Variants in PLCB4 observed in about 807,000 individuals in gnomAD.
The protein encoded by PLCB4 is 1-phosphatidylinositol 4,5-bisphosphate phosphodiesterase beta-4.
PLCB4 carries 77 observed loss-of-function variants against 178.8 expected under a neutral mutation model. The observed-to-expected ratio is 0.43, with a 90% CI of 0.36 to 0.52. PLCB4 has a LOEUF of 0.52. Among genes scored for constraint, PLCB4 ranks in the 20% least tolerant of loss-of-function variants. The pLI is 0.00. For missense variants in PLCB4, 1,024 were observed against 1,453.4 expected, an observed-to-expected ratio of 0.70 and a Z score of 4.80; for synonymous variants, 496 against 490.8, an observed-to-expected ratio of 1.01 and a Z score of -0.14.
intron 8 of PLCB4, among the ~76,000 whole-genome samples, chr20:9,363,247 G>A (rs1187348029): frequency 6.6e-6 from 1 of 152,162 alleles, no homozygotes; most frequent in African/African-American, 2.4e-5. Context: ...GTCAGTTGTG[G>A]GTACTGGCTT....
At chr20:9,100,855 G>T (rs894260363) in intron 2 of PLCB4, among the ~76,000 whole-genome samples, 1 of 152,014 alleles carries the variant, frequency 6.6e-6, no homozygotes, top group African/African-American at 2.4e-5. Context: ...CCACTTTCGT[G>T]CACACAGCAG....
chr20:9,393,611 A>G lies in PLCB4; in HGVS notation c.1347A>G (p.Pro449=), dbSNP rs780148545. 2 of 1,612,928 alleles carry G rather than the reference A, an allele frequency of 1.2e-6. No individual in the cohort carries two copies. Among genetic ancestry groups the G allele is most frequent in the South Asian group, 2.2e-5 (2 of 91,034 alleles). Residue 449 remains proline, a synonymous_variant, in exon 18 of 40, where the codon CCA becomes CCG. Transcript: ENST00000378473. ...AGCTTGAACCAGGCAGGGCTTTGCC[A>G]TCCCCCAATGACCTCAAAAGAAAAA... The part of the protein sequence containing the change: ...SHPLEPGRAL[P]SPNDLKRKIL...
intron 3 of PLCB4, among the ~76,000 whole-genome samples, chr20:9,232,039 AG>A (rs2147355354): frequency 6.6e-6 from 1 of 152,328 alleles, no homozygotes; most frequent in East Asian, 1.9e-4. Context: ...TGGGTGAAAG[AG>A]GCACCTCACA....
chr20:9,390,753 C>G, intron 17 of PLCB4, 138 bp downstream of exon 17: 1 of 537,974 alleles, frequency 1.9e-6, no homozygotes, highest in Admixed American at 3.2e-5. Context: ...AAGCTTACAT[C>G]ATGCTTCAGA....
chr20:9,413,330 C>T (rs536545395), intron 25 of PLCB4, among the ~76,000 whole-genome samples: 8 of 152,164 alleles, frequency 5.3e-5, no homozygotes, highest in East Asian at 1.9e-4. Context: ...AAAATCCTGA[C>T]GGCTCGGCCC....
At chr20:9,094,297 T>C (rs1243263583) in intron 1 of PLCB4, among the ~76,000 whole-genome samples, 1 of 152,194 alleles carries the variant, frequency 6.6e-6, no homozygotes. Context: ...GTTATTTGGC[T>C]TTGGAATATT....
intron 1 of PLCB4, among the ~76,000 whole-genome samples, chr20:9,071,607 CAG>C (rs1453692738): frequency 6.6e-6 from 1 of 151,982 alleles, no homozygotes; most frequent in African/African-American, 2.4e-5. Context: ...ACTCAAATAA[CAG>C]AATTAATGAA....
At chr20:9,075,861 G>A (rs750778207) in intron 1 of PLCB4, among the ~76,000 whole-genome samples, 5 of 152,188 alleles carry the variant, frequency 3.3e-5, no homozygotes, top group Admixed American at 6.5e-5. Context: ...CCATGGTGTG[G>A]CCAAACAAAG....
chr20:9,170,060 C>T (rs536719521), intron 2 of PLCB4, among the ~76,000 whole-genome samples: 16 of 152,266 alleles, frequency 1.1e-4, no homozygotes, highest in Non-Finnish European at 5.9e-5. Flanking sequence ...AACAAGTGGA[C>T]GCACCCAGAT....
intron 6 of PLCB4, 85 bp from the exon 7 acceptor site, chr20:9,338,809 A>T: frequency 9.9e-7 from 1 of 1,014,808 alleles, no homozygotes; most frequent in Non-Finnish European, 1.5e-6. Context: ...TTTTTACATT[A>T]AATGTGGTTT....
chr20:9,115,663 G>T, intron 2 of PLCB4, among the ~76,000 whole-genome samples: 1 of 141,374 alleles, frequency 7.1e-6, no homozygotes, highest in African/African-American at 2.7e-5. Flanking sequence ...CCTCCTATGA[G>T]TGAGAACATG....
chr20:9,350,490 C>T (rs2034229284), intron 7 of PLCB4, among the ~76,000 whole-genome samples: 2 of 152,290 alleles, frequency 1.3e-5, no homozygotes, highest in East Asian at 1.9e-4. Flanking sequence ...CAGTGGCTCT[C>T]TCTAGTGCTC....
At chr20:9,407,820 T>A in intron 21 of PLCB4, 97 bp from the exon 22 acceptor site, 3 of 1,002,108 alleles carry the variant, frequency 3.0e-6, no homozygotes, top group Non-Finnish European at 4.3e-6. Context: ...TTTCAATTTG[T>A]GTGTGTGCAA....
intron 30 of PLCB4, among the ~76,000 whole-genome samples, chr20:9,441,915 T>TAA (rs1467886450): frequency 2.0e-5 from 3 of 151,980 alleles, no homozygotes; most frequent in Admixed American, 1.3e-4. Context: ...CACGACTTTT[T>TAA]TTTTTTTTTC....
intron 3 of PLCB4, among the ~76,000 whole-genome samples, chr20:9,265,846 G>T (rs1482122643): frequency 6.6e-6 from 1 of 152,172 alleles, no homozygotes; most frequent in Non-Finnish European, 1.5e-5. Flanking sequence ...CGGCAGCATG[G>T]TCATCTTGTT....
intron 3 of PLCB4, among the ~76,000 whole-genome samples, chr20:9,230,902 A>T (rs1241626193): frequency 1.3e-5 from 2 of 152,150 alleles, no homozygotes; most frequent in Non-Finnish European, 2.9e-5. Flanking sequence ...AGAGGTGAGG[A>T]AATAGACCTT....
chr20:9,181,324 G>C (rs1161085258), intron 2 of PLCB4, among the ~76,000 whole-genome samples: 1 of 152,108 alleles, frequency 6.6e-6, no homozygotes, highest in Non-Finnish European at 1.5e-5. Context: ...TTGCCATATT[G>C]ATCACTGTTA....
chr20:9,399,895 G>C (rs2038901031), intron 19 of PLCB4, among the ~76,000 whole-genome samples: 1 of 152,204 alleles, frequency 6.6e-6, no homozygotes. Flanking sequence ...TGGAAACCTA[G>C]TCCTGGAAGA....
chr20:9,124,132 CA>C (rs2092048281), intron 2 of PLCB4, among the ~76,000 whole-genome samples: 1 of 152,080 alleles, frequency 6.6e-6, no homozygotes, highest in African/African-American at 2.4e-5. Context: ...TTTGCAAAAG[CA>C]GGTGACTGGC....
Sources: allele counts gnomAD v4.1 joint callset (sites outside exome capture counted in the v4.1 genomes callset), GRCh38; gene constraint gnomAD v4.1.1; transcripts MANE v1.5; gene names NCBI Gene and HGNC (gene_info 2026-07-23, HGNC 2026-07-21).